SHROOM4: variants seen among roughly 807,000 people sequenced by gnomAD.
SHROOM4 encodes the protein protein Shroom4.
SHROOM4 carries 17 observed loss-of-function variants against 80.3 expected under a neutral mutation model. That is an observed-to-expected ratio of 0.21 (90% CI 0.14 to 0.32). The LOEUF (loss-of-function observed/expected upper bound fraction) is 0.32, where lower values mean the gene tolerates loss of function less well. Ranked by LOEUF, SHROOM4 falls within the 10% of genes least tolerant of loss-of-function variation. The pLI is 1.00. For missense variants in SHROOM4, 993 were observed against 1,140.3 expected, an observed-to-expected ratio of 0.87 and a Z score of 1.86; for synonymous variants, 400 against 437.5, an observed-to-expected ratio of 0.91 and a Z score of 1.07.
In SHROOM4 at chrX:50,634,095, G is replaced by T; in HGVS notation, c.1978C>A (p.Leu660Ile). Residue 660 changes from leucine (L) to isoleucine (I), a missense_variant, in exon 4 of 9, where the codon CTC becomes ATC. Leu to Ile is a conservative substitution (Grantham distance 5). Coordinates refer to ENST00000376020, the MANE Select transcript of SHROOM4 (RefSeq NM_020717.5). ...AGGCACTCGGAAGACCTAGCTCTGAGCATCATGCTTTTGTTGAAGAGCTTG... is the reference window on the plus strand; with the variant it reads ...AGGCACTCGGAAGACCTAGCTCTGATCATCATGCTTTTGTTGAAGAGCTTG... ...RDKLFNKSMM[L>I]RARSSECLSQ... 3 of 1,211,897 alleles carry T rather than the reference G, an allele frequency of 2.5e-6. No individual in the cohort carries two copies. The highest frequency in any genetic ancestry group is 3.4e-6 in the Non-Finnish European group (3 of 895,522).
At chrX:50,794,119 G>A (rs1044907155) in intron 1 of SHROOM4, among the ~76,000 whole-genome samples, 5 of 111,360 alleles carry the variant, frequency 4.5e-5, no homozygotes, top group African/African-American at 1.6e-4. Flanking sequence ...GACACCCTGA[G>A]GTAGGTGGCT....
At chrX:50,601,459 A>G (rs984218968) in intron 7 of SHROOM4, among the ~76,000 whole-genome samples, 6 of 112,254 alleles carry the variant, frequency 5.3e-5, no homozygotes, top group Admixed American at 2.8e-4. Flanking sequence ...GACTCTTGCA[A>G]ATGGCCCTGT....
intron 2 of SHROOM4, among the ~76,000 whole-genome samples, chrX:50,695,545 G>C (rs182719120): frequency 1.5e-4 from 17 of 112,087 alleles, no homozygotes; most frequent in African/African-American, 5.2e-4. Context: ...AGCAAATAAG[G>C]AAACAGTCTT....
intron 1 of SHROOM4, among the ~76,000 whole-genome samples, chrX:50,703,789 T>A (rs969522798): frequency 8.9e-6 from 1 of 112,211 alleles, no homozygotes; most frequent in African/African-American, 3.2e-5. Context: ...TTAAACCTTT[T>A]TTGTTTATAC....
At chrX:50,756,946 CT>C (rs1246742834) in intron 1 of SHROOM4, among the ~76,000 whole-genome samples, 1 of 111,788 alleles carries the variant, frequency 8.9e-6, no homozygotes, top group Non-Finnish European at 1.9e-5. Context: ...TGTTATTTCA[CT>C]TTCTGGATGG....
chrX:50,710,392 C>T (rs1427242594), intron 1 of SHROOM4, among the ~76,000 whole-genome samples: 1 of 111,647 alleles, frequency 9.0e-6, no homozygotes, highest in Admixed American at 9.6e-5. Context: ...AAGTCATTAT[C>T]CTAAGCAAAT....
chrX:50,616,475 T>C (rs1930241331), intron 5 of SHROOM4, among the ~76,000 whole-genome samples: 1 of 111,850 alleles, frequency 8.9e-6, no homozygotes, highest in Non-Finnish European at 1.9e-5. Context: ...TTAGCACATA[T>C]AAGAAATTAA....
chrX:50,623,376 C>T (rs1227557730), intron 5 of SHROOM4, among the ~76,000 whole-genome samples: 4 of 110,610 alleles, frequency 3.6e-5, no homozygotes, highest in African/African-American at 1.3e-4. Flanking sequence ...TTAGTAGAGA[C>T]GGGGTTTCAC....
chrX:50,727,160 G>A (rs1393642592), intron 1 of SHROOM4, among the ~76,000 whole-genome samples: 1 of 112,776 alleles, frequency 8.9e-6, no homozygotes, highest in Non-Finnish European at 1.9e-5. Context: ...TGGGCCTATG[G>A]CCCCTTTGTT....
chrX:50,765,865 C>G (rs1557269291), intron 1 of SHROOM4, among the ~76,000 whole-genome samples: 2 of 111,950 alleles, frequency 1.8e-5, no homozygotes, highest in African/African-American at 6.5e-5. Flanking sequence ...TTAAAGTCTA[C>G]TTTAAACTAG....
intron 1 of SHROOM4, among the ~76,000 whole-genome samples, chrX:50,705,441 C>T (rs1933643262): frequency 9.0e-6 from 1 of 111,390 alleles, no homozygotes; most frequent in Non-Finnish European, 1.9e-5. Flanking sequence ...AATGTGAACG[C>T]CATTCTCTCT....
At chrX:50,735,885 C>T (rs1423374365) in intron 1 of SHROOM4, among the ~76,000 whole-genome samples, 2 of 108,961 alleles carry the variant, frequency 1.8e-5, no homozygotes, top group East Asian at 5.8e-4. Flanking sequence ...TGTGCGCCTA[C>T]AGTCCCGGAT....
At chrX:50,614,343 G>A (rs1930131776) in intron 5 of SHROOM4, among the ~76,000 whole-genome samples, 1 of 111,641 alleles carries the variant, frequency 9.0e-6, no homozygotes, top group Non-Finnish European at 1.9e-5. Context: ...AAGTCTAAAG[G>A]TGAAGATATA....
At chrX:50,658,624 C>T (rs966420852) in intron 2 of SHROOM4, among the ~76,000 whole-genome samples, 14 of 111,593 alleles carry the variant, frequency 1.3e-4, no homozygotes, top group African/African-American at 4.2e-4. Context: ...CCTAGACCTT[C>T]CTTGTTCTTA....
rs782585911 is a variant in SHROOM4 at position 50,724,589 on chromosome X, C to T, written c.118-28652G>A. 9.2e-4 allele frequency among the ~76,000 whole-genome samples: 104 copies of T among 112,697 alleles called. 5 individuals carry two copies. Among genetic ancestry groups the T allele is most frequent in the Admixed American group, 9.3e-5 (1 of 10,719 alleles). ...AAGTGATTCTCCTGCTTCAGCCTCC[C>T]GAGTAGCTGGGATGACAGGCATGCG... On this transcript the variant is annotated intron_variant, in intron 1 of 8. Transcript: ENST00000376020.
chrX:50,718,505 C>A (rs200353219), intron 1 of SHROOM4, among the ~76,000 whole-genome samples: 1 of 109,080 alleles, frequency 9.2e-6, no homozygotes, highest in African/African-American at 3.3e-5. Flanking sequence ...GCTCAAAGAG[C>A]CTCTCAAAGG....
In SHROOM4 at chrX:50,633,099, A is replaced by T. The variant is rs1931136992; in HGVS notation, c.2895+79T>A. On this transcript the variant is annotated intron_variant, in intron 4 of 8. Transcript: ENST00000376020. ...ACAGTTTCAAGGAATTATAATTGTT[A>T]TATTTTTAAATAATTTACGTAGCTT... The T allele has an allele frequency of 1.2e-5, 11 of 913,837 alleles. No homozygotes were observed. In the Admixed American group the frequency reaches 1.6e-4, roughly 13 times the overall value. 75.3% of individuals were successfully genotyped at this position (913,837 alleles called of 1,213,427 possible). A position where few individuals can be genotyped will look rare whatever the true frequency, so the allele number is the denominator to read the frequency against.
chrX:50,812,578 A>G (rs1569549434), intron 1 of SHROOM4, among the ~76,000 whole-genome samples: 1 of 110,726 alleles, frequency 9.0e-6, no homozygotes, highest in Non-Finnish European at 1.9e-5. Flanking sequence ...ACCCATGGCA[A>G]CACTCCAGGG....
intron 7 of SHROOM4, among the ~76,000 whole-genome samples, chrX:50,598,783 A>G (rs1929249730): frequency 9.0e-6 from 1 of 111,450 alleles, no homozygotes; most frequent in South Asian, 3.8e-4. Context: ...GTATCCATGC[A>G]CTAAACTTCA....
Sources: allele counts gnomAD v4.1 joint callset (sites outside exome capture counted in the v4.1 genomes callset), GRCh38; gene constraint gnomAD v4.1.1; transcripts MANE v1.5; gene names NCBI Gene and HGNC (gene_info 2026-07-23, HGNC 2026-07-21).